Variants in RGS6 observed in about 807,000 individuals in gnomAD.
RGS6 encodes regulator of G protein signaling 6.
In RGS6, 30 loss-of-function variants were observed where a neutral mutation model predicts 78.5. That is an observed-to-expected ratio of 0.38 (90% CI 0.29 to 0.52). The LOEUF is 0.52. RGS6 is among the 20% of genes least tolerant of loss of function. The pLI is 0.85. For missense variants in RGS6, 495 were observed against 609.7 expected (o/e 0.81, Z 1.98); for synonymous variants, 206 against 206.0 (o/e 1.00, Z 0.00).
At chr14:72,567,803 A>G (rs146313403), downstream of RGS6, among the ~76,000 whole-genome samples, 195 of 152,292 alleles carry the variant, frequency 1.3e-3, 1 homozygote, top group East Asian at 1.7e-3. Context: ...AGCTCTGCCC[A>G]GCAGGCTCTC....
chr14:72,586,151 C>G, the RGS6 span, among the ~76,000 whole-genome samples: 1 of 152,154 alleles, frequency 6.6e-6, no homozygotes, highest in Non-Finnish European at 1.5e-5. Flanking sequence ...TGGACTCAGC[C>G]TTTTTGCAGA....
intron 2 of RGS6, among the ~76,000 whole-genome samples, chr14:72,073,926 TAAATC>T (rs1028385540): frequency 2.6e-5 from 4 of 152,328 alleles, no homozygotes; most frequent in African/African-American, 9.6e-5. Context: ...GATTTTAAAT[TAAATC>T]AAATTTTGCC....
intron 3 of RGS6, among the ~76,000 whole-genome samples, chr14:72,431,294 A>G (rs28445762): frequency 0.018 from 2,813 of 152,240 alleles, 86 homozygotes; most frequent in African/African-American, 0.065. Context: ...GGCTCATCCT[A>G]TACTTGATGA....
chr14:72,232,926 G>A (rs1302630610), intron 2 of RGS6, among the ~76,000 whole-genome samples: 5 of 152,146 alleles, frequency 3.3e-5, no homozygotes, highest in Admixed American at 6.5e-5. Context: ...CGCTTCCTGG[G>A]GCACCAAGCA....
intron 2 of RGS6, among the ~76,000 whole-genome samples, chr14:72,200,976 AAAAAAAAAAAAG>A (rs949893980): frequency 1.9e-5 from 2 of 103,396 alleles, no homozygotes; most frequent in Admixed American, 1.0e-4. Flanking sequence ...AAAAAAAAAA[AAAAAAAAAAAAG>A]AAGAAGAAAA....
intron 2 of RGS6, among the ~76,000 whole-genome samples, chr14:72,238,984 T>G (rs895844789): frequency 3.3e-5 from 5 of 152,154 alleles, no homozygotes; most frequent in African/African-American, 9.7e-5. Context: ...AATTCTTGCC[T>G]CCTCAGAAGA....
intron 17 of RGS6, among the ~76,000 whole-genome samples, chr14:72,553,049 C>T (rs2097528145): frequency 6.6e-6 from 1 of 152,176 alleles, no homozygotes; most frequent in Non-Finnish European, 1.5e-5. Context: ...GGTGTATGCA[C>T]ATGTGCACAG....
intron 1 of RGS6, among the ~76,000 whole-genome samples, chr14:71,952,127 T>C (rs150029487): frequency 1.5e-3 from 235 of 152,300 alleles, no homozygotes; most frequent in African/African-American, 5.4e-3. Context: ...TCTTGCCTGT[T>C]GTATAGGCTA....
intron 2 of RGS6, among the ~76,000 whole-genome samples, chr14:72,321,164 A>G (rs2071892829): frequency 6.6e-6 from 1 of 151,954 alleles, no homozygotes; most frequent in Non-Finnish European, 1.5e-5. Context: ...GTGTTTCAAG[A>G]AACAGAGAAG....
intron 2 of RGS6, among the ~76,000 whole-genome samples, chr14:72,254,638 A>G (rs2056659990): frequency 1.3e-5 from 2 of 152,138 alleles, no homozygotes; most frequent in Admixed American, 6.5e-5. Context: ...ATATTTCTAG[A>G]AAGTTCCTAT....
intron 5 of RGS6, among the ~76,000 whole-genome samples, chr14:72,459,071 C>T (rs1304262426): frequency 6.6e-6 from 1 of 152,156 alleles, no homozygotes; most frequent in Non-Finnish European, 1.5e-5. Context: ...CTGGAGCAGC[C>T]TTCATCTGAA....
intron 2 of RGS6, among the ~76,000 whole-genome samples, chr14:72,349,111 G>A (rs2152724757): frequency 6.6e-6 from 1 of 152,296 alleles, no homozygotes; most frequent in Non-Finnish European, 1.5e-5. Flanking sequence ...AGCTTGCAGT[G>A]AGCCTAGATC....
chr14:72,293,712 A>G (rs902994221), intron 2 of RGS6, among the ~76,000 whole-genome samples: 2 of 152,202 alleles, frequency 1.3e-5, no homozygotes, highest in Non-Finnish European at 2.9e-5. Context: ...CAGTAGACTC[A>G]TTTCATTATT....
chr14:72,019,785 C>T (rs2087967046), intron 2 of RGS6, among the ~76,000 whole-genome samples: 1 of 152,170 alleles, frequency 6.6e-6, no homozygotes, highest in Non-Finnish European at 1.5e-5. Flanking sequence ...ACATTTTAAT[C>T]TCAGTTAATG....
intron 12 of RGS6, among the ~76,000 whole-genome samples, chr14:72,482,046 G>T: frequency 6.6e-6 from 1 of 152,010 alleles, no homozygotes; most frequent in East Asian, 1.9e-4. Flanking sequence ...TCCTGACGTC[G>T]TGATCCGCCC....
In RGS6 at chr14:72,279,411, G is replaced by A. The variant is rs146849245; in HGVS notation, c.85-72684G>A. On this transcript the variant is annotated intron_variant, in intron 2 of 17. Transcript: ENST00000553525. ...CCAAAGAGGTGAGCAGCAGATAAGT[G>A]ACGAGGTATGTGAGCTCACACACCC... Among the ~76,000 whole-genome samples the A allele has an allele frequency of 5.6e-3, 860 of 152,246 alleles. 4 individuals are homozygous for A. The highest frequency in any genetic ancestry group is 0.02 in the Middle Eastern group (6 of 294).
At chr14:72,031,868 A>G (rs1032889806) in intron 2 of RGS6, among the ~76,000 whole-genome samples, 1 of 152,182 alleles carries the variant, frequency 6.6e-6, no homozygotes, top group African/African-American at 2.4e-5. Context: ...TTGGGATAAT[A>G]CTCCAATAAA....
intron 2 of RGS6, among the ~76,000 whole-genome samples, chr14:72,332,793 C>T (rs751559090): frequency 1.5e-4 from 23 of 152,164 alleles, no homozygotes; most frequent in African/African-American, 3.9e-4. Flanking sequence ...AAGCCTTCCT[C>T]GGGGAAAACA....
Position 72,053,692 on chromosome 14 carries a change from A to G in RGS6, c.84+88817A>G, listed in dbSNP as rs183311277. Among the ~76,000 whole-genome samples, 625 of 152,312 alleles carry G rather than the reference A, an allele frequency of 4.1e-3. 2 individuals carry two copies. Among genetic ancestry groups the G allele is most frequent in the African/African-American group, 0.015 (608 of 41,574 alleles). ...ATGTCATACAAAGTAGGAGTTTAAG[A>G]ATTTATTTTTGGTGAAACTAGAACA... On this transcript the variant is annotated intron_variant, in intron 2 of 17. Coordinates refer to ENST00000553525, the MANE Select transcript of RGS6 (RefSeq NM_001204424.2).
Sources: gnomAD v4.1 joint callset for allele counts (sites outside exome capture counted in the v4.1 genomes callset) on GRCh38, gnomAD v4.1.1 for gene constraint, MANE v1.5 for transcripts, NCBI Gene and HGNC (gene_info 2026-07-23, HGNC 2026-07-21) for gene names.